PATL1: variants seen among roughly 807,000 people sequenced by gnomAD.
PATL1 encodes the protein PAT1 homolog 1, processing body mRNA decay factor.
Under a neutral mutation model 100.6 loss-of-function variants are expected in PATL1, and 32 were observed. The observed-to-expected ratio is 0.32, with a 90% CI of 0.24 to 0.43. The LOEUF (loss-of-function observed/expected upper bound fraction) is 0.43, where lower values mean the gene tolerates loss of function less well. Ranked by LOEUF, PATL1 falls within the 20% of genes least tolerant of loss-of-function variation. The probability of loss-of-function intolerance (pLI) is 1.00; values close to 1 mark genes in which losing one functional copy is unlikely to be tolerated. For synonymous variants in PATL1, 332 were observed against 330.0 expected (o/e 1.01, Z -0.07); for missense variants, 747 against 949.9 (o/e 0.79, Z 2.81).
Position 59,656,052 on chromosome 11 carries a change from T to TAAAAAAAAAAAAAAAA in PATL1, c.724-23_724-8dup. On this transcript the variant is annotated splice_polypyrimidine_tract_variant and splice_region_variant and intron_variant, in intron 6 of 18. Transcript: ENST00000300146. ...GACCCAGGAGGGAAGAGTTCTAAGG[T>TAAAAAAAAAAAAAAAA]AAAAAAAAAAAAAAAAAAAAGAATA... 2.6e-6 allele frequency: 2 copies of TAAAAAAAAAAAAAAAA among 765,758 alleles called. No homozygotes were observed. 47.4% of individuals were successfully genotyped at this position (765,758 alleles called of 1,614,324 possible).
chr11:59,664,733 T>G (rs923906363), intron 2 of PATL1, among the ~76,000 whole-genome samples: 3 of 152,048 alleles, frequency 2.0e-5, no homozygotes, highest in African/African-American at 7.2e-5. Context: ...TGCCTGGCTA[T>G]TTTTCAAAAA....
At chr11:59,666,164 T>C (rs567491675) in intron 2 of PATL1, among the ~76,000 whole-genome samples, 7 of 152,030 alleles carry the variant, frequency 4.6e-5, no homozygotes, top group Non-Finnish European at 1.0e-4. Context: ...GAGAACTGTT[T>C]GAACTCAGGA....
At chr11:59,639,236 A>G (rs1363631813) in intron 17 of PATL1, 39 bp from the exon 18 acceptor site, 1 of 1,598,194 alleles carries the variant, frequency 6.3e-7, no homozygotes, top group East Asian at 2.3e-5. Flanking sequence ...GGAGAAAAAA[A>G]TTTAAAAGAT....
chr11:59,668,766 G>T, intron 1 of PATL1, 115 bp downstream of exon 1: 1 of 566,250 alleles, frequency 1.8e-6, no homozygotes, highest in Non-Finnish European at 3.2e-6. Flanking sequence ...TAAGTCCTGC[G>T]ACTCCCCCAG....
At chr11:59,657,944 A>G (rs1016825155) in intron 4 of PATL1, among the ~76,000 whole-genome samples, 6 of 152,110 alleles carry the variant, frequency 3.9e-5, no homozygotes, top group African/African-American at 1.4e-4. Context: ...TGGGAGGATC[A>G]CTTGAAGCCA....
At chr11:59,651,179 C>G (rs1386065777) in intron 12 of PATL1, among the ~76,000 whole-genome samples, 1 of 151,942 alleles carries the variant, frequency 6.6e-6, no homozygotes, top group Non-Finnish European at 1.5e-5. Flanking sequence ...TGTACAAATT[C>G]TTTCATCACC....
intron 14 of PATL1, among the ~76,000 whole-genome samples, chr11:59,648,927 T>A (rs1007674702): frequency 6.6e-6 from 1 of 152,236 alleles, no homozygotes; most frequent in African/African-American, 2.4e-5. Context: ...TTCTCTTGAA[T>A]ACATCGAATA....
rs764828185 is a variant in PATL1 at position 59,639,149 on chromosome 11, T to C, written c.2190A>G (p.Gln730=). The C allele has an allele frequency of 9.2e-5, 148 of 1,613,906 alleles. No homozygotes were observed. Among genetic ancestry groups the C allele is most frequent in the Non-Finnish European group, 1.2e-4 (143 of 1,179,910 alleles). ...MATRELLRIP[Q]AALAKPISIP... ...TAGAGATTGGCTTGGCCAGGGCTGC[T>C]TGGGGAATCCGCAGAAGTTCTCGTG... The change falls in exon 18 of 19, where the codon CAA becomes CAG. Residue 730 remains glutamine, a synonymous_variant. Transcript: ENST00000300146.
At chr11:59,662,009 A>G (rs994565153) in intron 2 of PATL1, among the ~76,000 whole-genome samples, 1 of 152,236 alleles carries the variant, frequency 6.6e-6, no homozygotes, top group Admixed American at 6.5e-5. Flanking sequence ...CTATTTAAAT[A>G]AACTAATTTC....
chr11:59,638,180 C>A lies in PATL1; in HGVS notation c.*210G>T. 1.7e-6 allele frequency: 1 copy of A among 592,276 alleles called. No individual in the cohort carries two copies. Among genetic ancestry groups the A allele is most frequent in the Admixed American group, 3.0e-5 (1 of 33,738 alleles). The allele number at this position is 592,276 out of a possible 1,614,324, so 36.7% of individuals were successfully genotyped here. ...AACTGTAACACAGAAGGTAAAGAAA[C>A]CAGCAGAAGTATCACCCAGCCAAAT... On this transcript the variant is annotated 3_prime_UTR_variant, in exon 19 of 19. Transcript: ENST00000300146.
At chr11:59,668,811 G>C (rs1350690033) in intron 1 of PATL1, 70 bp downstream of exon 1, 1 of 825,676 alleles carries the variant, frequency 1.2e-6, no homozygotes, top group Non-Finnish European at 1.9e-6. Context: ...CAGGACCGGC[G>C]CGCGGAGAGA....
chr11:59,645,523 T>C (rs1411248271), intron 15 of PATL1, among the ~76,000 whole-genome samples: 1 of 151,886 alleles, frequency 6.6e-6, no homozygotes, highest in African/African-American at 2.4e-5. Context: ...AAAATTCTTC[T>C]ACAAAGAACT....
chr11:59,652,406 A>G (rs1861460368), intron 11 of PATL1, 58 bp downstream of exon 11: 7 of 1,551,718 alleles, frequency 4.5e-6, no homozygotes, highest in Middle Eastern at 1.8e-4. Context: ...ATATTTAATC[A>G]CATCAGCAGC....
At chr11:59,648,436 T>C (rs1861394859) in intron 14 of PATL1, among the ~76,000 whole-genome samples, 1 of 150,954 alleles carries the variant, frequency 6.6e-6, no homozygotes, top group Admixed American at 6.6e-5. Flanking sequence ...TCTGCCCACC[T>C]CAGCCTCCCA....
At chr11:59,643,376 A>T (rs1861314450) in intron 15 of PATL1, among the ~76,000 whole-genome samples, 1 of 152,094 alleles carries the variant, frequency 6.6e-6, no homozygotes, top group Non-Finnish European at 1.5e-5. Context: ...AAATGGCAAA[A>T]GGACACAGAA....
chr11:59,665,820 A>T (rs563206312), intron 2 of PATL1, among the ~76,000 whole-genome samples: 1 of 152,132 alleles, frequency 6.6e-6, no homozygotes, highest in East Asian at 1.9e-4. Context: ...CAGTTTAAAA[A>T]TTTAAATTTC....
intron 14 of PATL1, among the ~76,000 whole-genome samples, chr11:59,648,660 A>G (rs1861398523): frequency 6.6e-6 from 1 of 152,158 alleles, no homozygotes; most frequent in African/African-American, 2.4e-5. Flanking sequence ...ATGGTTTTGT[A>G]CCTTGACTTT....
chr11:59,654,361 C>T (rs956478286), intron 8 of PATL1, among the ~76,000 whole-genome samples: 3 of 151,800 alleles, frequency 2.0e-5, no homozygotes, highest in African/African-American at 4.8e-5. Context: ...CCTGTAGTCC[C>T]AGCTACTTGG....
intron 12 of PATL1, 100 bp downstream of exon 12, chr11:59,651,443 CT>C (rs1861442046): frequency 4.4e-6 from 4 of 915,612 alleles, no homozygotes; most frequent in Non-Finnish European, 6.7e-6. Context: ...CCGGGTTAGA[CT>C]ACAAACAACT....
Sources: allele counts gnomAD v4.1 joint callset (sites outside exome capture counted in the v4.1 genomes callset), GRCh38; gene constraint gnomAD v4.1.1; transcripts MANE v1.5; gene names NCBI Gene and HGNC (gene_info 2026-07-23, HGNC 2026-07-21).